RNF38: variants seen among roughly 807,000 people sequenced by gnomAD.
The protein encoded by RNF38 is E3 ubiquitin-protein ligase RNF38.
In RNF38, 15 loss-of-function variants were observed where a neutral mutation model predicts 67.2. The observed-to-expected ratio is 0.22, with a 90% CI of 0.15 to 0.34. The LOEUF (loss-of-function observed/expected upper bound fraction) is 0.34. Among genes scored for constraint, RNF38 ranks in the 10% least tolerant of loss-of-function variants. The pLI is 1.00. For synonymous variants in RNF38, 220 were observed against 218.8 expected (o/e 1.01, Z -0.05); for missense variants, 524 against 639.9 (o/e 0.82, Z 1.95).
chr9:36,430,810 T>A, intron 1 of RNF38, among the ~76,000 whole-genome samples: 1 of 151,400 alleles, frequency 6.6e-6, no homozygotes, highest in Admixed American at 6.6e-5. Flanking sequence ...ATTCAGACAT[T>A]CCGAATCCAA....
upstream of RNF38, chr9:36,400,444 G>A (rs1837928416): frequency 9.3e-7 from 1 of 1,072,762 alleles, no homozygotes. Context: ...AGAGCGCCGG[G>A]CGGCCGAGGC....
intron 1 of RNF38, among the ~76,000 whole-genome samples, chr9:36,487,139 G>C (rs1328813110): frequency 6.6e-6 from 1 of 152,184 alleles, no homozygotes; most frequent in Non-Finnish European, 1.5e-5. Flanking sequence ...GTGAGCGCTC[G>C]GCGCGGCTGA....
intron 1 of RNF38, among the ~76,000 whole-genome samples, chr9:36,462,877 G>A (rs1338570883): frequency 6.6e-6 from 1 of 151,874 alleles, no homozygotes; most frequent in African/African-American, 2.4e-5. Context: ...GTTTCACCAT[G>A]TTGGCCAGGC....
intron 1 of RNF38, among the ~76,000 whole-genome samples, chr9:36,439,787 T>A (rs1286293076): frequency 1.7e-5 from 2 of 116,082 alleles, no homozygotes; most frequent in Non-Finnish European, 3.5e-5. Context: ...TGAGACTCTG[T>A]CTCAAAAAAA....
chr9:36,443,448 T>C (rs1285998371), intron 1 of RNF38, among the ~76,000 whole-genome samples: 1 of 152,212 alleles, frequency 6.6e-6, no homozygotes, highest in Non-Finnish European at 1.5e-5. Context: ...CAATGCTATA[T>C]ATTTACATTA....
chr9:36,399,401 G>A (rs146282310), intron 1 of RNF38, among the ~76,000 whole-genome samples: 1 of 151,014 alleles, frequency 6.6e-6, no homozygotes, highest in African/African-American at 2.4e-5. Flanking sequence ...AAGTCTTACA[G>A]AAATATCATA....
At chr9:36,359,110 G>A (rs771686413) in intron 4 of RNF38, among the ~76,000 whole-genome samples, 27 of 152,064 alleles carry the variant, frequency 1.8e-4, no homozygotes, top group Non-Finnish European at 3.4e-4. Flanking sequence ...GGTGTGAGCC[G>A]CTGCACCTGG....
At chr9:36,446,588 C>T (rs934263986) in intron 1 of RNF38, among the ~76,000 whole-genome samples, 1 of 152,104 alleles carries the variant, frequency 6.6e-6, no homozygotes, top group African/African-American at 2.4e-5. Context: ...AGAAGGATCA[C>T]TTGAGGTCAG....
intron 1 of RNF38, among the ~76,000 whole-genome samples, chr9:36,487,132 A>G (rs1027176335): frequency 6.6e-6 from 1 of 152,068 alleles, no homozygotes; most frequent in Non-Finnish European, 1.5e-5. Flanking sequence ...ACGCTTTGTG[A>G]GCGCTCGGCG....
intron 1 of RNF38, among the ~76,000 whole-genome samples, chr9:36,397,947 TAC>T (rs1837661300): frequency 6.6e-6 from 1 of 152,126 alleles, no homozygotes; most frequent in South Asian, 2.1e-4. Context: ...AAAAATTTTA[TAC>T]ACTCTCTCCC....
intron 2 of RNF38, among the ~76,000 whole-genome samples, chr9:36,381,290 C>A (rs768172767): frequency 6.6e-6 from 1 of 152,118 alleles, no homozygotes; most frequent in Admixed American, 6.5e-5. Context: ...AAAATCCCCC[C>A]CAAATGACTG....
At chr9:36,446,052 G>T (rs149927521) in intron 1 of RNF38, among the ~76,000 whole-genome samples, 1 of 152,188 alleles carries the variant, frequency 6.6e-6, no homozygotes, top group South Asian at 2.1e-4. Flanking sequence ...CTTACACAGG[G>T]AAGTCCACCA....
intron 1 of RNF38, among the ~76,000 whole-genome samples, chr9:36,398,428 T>A (rs1285438505): frequency 6.6e-6 from 1 of 152,150 alleles, no homozygotes; most frequent in African/African-American, 2.4e-5. Flanking sequence ...AAAAAAAAAT[T>A]TTTTTAATGA....
At chr9:36,384,051 T>C (rs915919868) in intron 2 of RNF38, among the ~76,000 whole-genome samples, 1 of 152,180 alleles carries the variant, frequency 6.6e-6, no homozygotes, top group African/African-American at 2.4e-5. Flanking sequence ...AGTGATGTTA[T>C]ATACTATATT....
At chr9:36,414,505 A>T (rs1164686976) in intron 2 of RNF38, among the ~76,000 whole-genome samples, 2 of 151,846 alleles carry the variant, frequency 1.3e-5, no homozygotes, top group African/African-American at 4.8e-5. Flanking sequence ...ACCTACATGG[A>T]GAAACCCTGT....
At chr9:36,465,832 C>T (rs982798354) in intron 1 of RNF38, among the ~76,000 whole-genome samples, 3 of 151,938 alleles carry the variant, frequency 2.0e-5, no homozygotes, top group Non-Finnish European at 2.9e-5. Context: ...GGGTGGATCA[C>T]GAGGTCAGGA....
intron 10 of RNF38, 115 bp from the exon 11 acceptor site, chr9:36,342,539 A>C: frequency 1.4e-6 from 1 of 703,200 alleles, no homozygotes; most frequent in Non-Finnish European, 2.4e-6. Flanking sequence ...TAAATTTTTA[A>C]ACAAAATTAT....
chr9:36,465,777 G>A (rs999899101), intron 1 of RNF38, among the ~76,000 whole-genome samples: 19 of 152,102 alleles, frequency 1.2e-4, no homozygotes, highest in Non-Finnish European at 2.5e-4. Flanking sequence ...CTGGCCGGGC[G>A]CGGTGGCTCA....
At chr9:36,350,966 T>C in intron 9 of RNF38, 149 bp downstream of exon 9, 1 of 633,600 alleles carries the variant, frequency 1.6e-6, no homozygotes, top group South Asian at 1.8e-5. Flanking sequence ...AGTATTAGTG[T>C]ATCTTATGTG....
Sources: allele counts gnomAD v4.1 joint callset (sites outside exome capture counted in the v4.1 genomes callset), GRCh38; gene constraint gnomAD v4.1.1; transcripts MANE v1.5; gene names NCBI Gene and HGNC (gene_info 2026-07-23, HGNC 2026-07-21).